The following CHRM3 variants were observed in gnomAD, a reference collection of about 807,000 sequenced individuals.
CHRM3 encodes the protein cholinergic receptor muscarinic 3.
Under a neutral mutation model 41.8 loss-of-function variants are expected in CHRM3, and 11 were observed. That is an observed-to-expected ratio of 0.26 (90% confidence interval 0.17 to 0.44). CHRM3 has a LOEUF of 0.44. CHRM3 is among the 20% of genes least tolerant of loss of function. The probability of loss-of-function intolerance (pLI) is 1.00; values close to 1 mark genes in which losing one functional copy is unlikely to be tolerated. For missense variants in CHRM3, 571 were observed against 745.4 expected (o/e 0.77, Z 2.72); for synonymous variants, 297 against 301.4 (o/e 0.99, Z 0.15).
intron 6 of CHRM3, chr1:239,899,996 G>A (rs1414270648): frequency 6.6e-6 from 1 of 152,194 alleles, no homozygotes; most frequent in East Asian, 1.9e-4. Context: ...AAGTGCGAAG[G>A]TCACTGGGCT....
chr1:239,776,814 G>A (rs1410322763), intron 5 of CHRM3, among the ~76,000 whole-genome samples: 1 of 152,146 alleles, frequency 6.6e-6, no homozygotes, highest in Non-Finnish European at 1.5e-5. Flanking sequence ...AAGCAAACAT[G>A]TCCTTCGTCA....
chr1:239,495,594 T>C (rs188144944), intron 2 of CHRM3, among the ~76,000 whole-genome samples: 86 of 152,232 alleles, frequency 5.6e-4, no homozygotes, highest in Admixed American at 2.9e-3. Context: ...TAGTTCACAT[T>C]TGAGAGCCAG....
chr1:239,645,241 C>G (rs1671643685), intron 4 of CHRM3, among the ~76,000 whole-genome samples: 1 of 152,166 alleles, frequency 6.6e-6, no homozygotes, highest in African/African-American at 2.4e-5. Context: ...GGGCCCCTGC[C>G]CAAGCCCTGC....
At chr1:239,676,369 T>C (rs1400489452) in intron 4 of CHRM3, among the ~76,000 whole-genome samples, 1 of 152,068 alleles carries the variant, frequency 6.6e-6, no homozygotes, top group East Asian at 1.9e-4. Context: ...CAGAGAAGTC[T>C]ATTATTGAAA....
At chr1:239,715,669 G>A (rs917553209) in intron 5 of CHRM3, among the ~76,000 whole-genome samples, 3 of 152,116 alleles carry the variant, frequency 2.0e-5, no homozygotes, top group African/African-American at 7.2e-5. Flanking sequence ...AGGATCCAGA[G>A]TAAAAGTGGG....
intron 5 of CHRM3, among the ~76,000 whole-genome samples, chr1:239,746,268 A>G (rs1665343201): frequency 1.3e-5 from 2 of 152,228 alleles, no homozygotes; most frequent in Admixed American, 1.3e-4. Flanking sequence ...TGGTGTTAAT[A>G]GATACTGAGT....
chr1:239,423,914 G>A (rs1662151625), intron 1 of CHRM3, among the ~76,000 whole-genome samples: 1 of 151,838 alleles, frequency 6.6e-6, no homozygotes, highest in Non-Finnish European at 1.5e-5. Context: ...AATTAGCCAG[G>A]CATGGTGGCG....
intron 5 of CHRM3, among the ~76,000 whole-genome samples, chr1:239,789,426 G>A (rs779802496): frequency 3.9e-5 from 6 of 152,272 alleles, no homozygotes; most frequent in East Asian, 1.9e-4. Context: ...CTATAAAGGC[G>A]TGCCTGAGAC....
chr1:239,725,423 A>G (rs777730417), intron 5 of CHRM3, among the ~76,000 whole-genome samples: 3 of 151,974 alleles, frequency 2.0e-5, no homozygotes, highest in Non-Finnish European at 2.9e-5. Context: ...ATTTTTATCT[A>G]CTAGAGTAAT....
chr1:239,697,330 A>G (rs1237410425), intron 5 of CHRM3, among the ~76,000 whole-genome samples: 1 of 152,158 alleles, frequency 6.6e-6, no homozygotes, highest in Non-Finnish European at 1.5e-5. Context: ...TCCTGCTGCT[A>G]TCCATGCCAC....
At chr1:239,778,971 A>G (rs1025010337) in intron 5 of CHRM3, among the ~76,000 whole-genome samples, 3 of 152,158 alleles carry the variant, frequency 2.0e-5, no homozygotes, top group Non-Finnish European at 2.9e-5. Flanking sequence ...TTCAAAAAAG[A>G]TGGTTTAACA....
At chr1:239,769,027 A>G (rs1384034023) in intron 5 of CHRM3, among the ~76,000 whole-genome samples, 1 of 151,968 alleles carries the variant, frequency 6.6e-6, no homozygotes, top group East Asian at 1.9e-4. Flanking sequence ...GGCCTCCCCA[A>G]ATGCTGGGTT....
At chr1:239,443,459 C>T (rs1480485308) in intron 1 of CHRM3, among the ~76,000 whole-genome samples, 1 of 152,094 alleles carries the variant, frequency 6.6e-6, no homozygotes, top group Non-Finnish European at 1.5e-5. Flanking sequence ...AAAAAAACTT[C>T]CAGTAACCTC....
intron 1 of CHRM3, among the ~76,000 whole-genome samples, chr1:239,428,764 A>G (rs1468456342): frequency 1.3e-5 from 2 of 152,164 alleles, no homozygotes; most frequent in South Asian, 2.1e-4. Context: ...GCATAACTCT[A>G]TTTATCACAT....
intron 6 of CHRM3, among the ~76,000 whole-genome samples, chr1:239,884,994 T>C (rs569043651): frequency 1.1e-4 from 16 of 152,284 alleles, no homozygotes; most frequent in African/African-American, 3.6e-4. Context: ...GCAAAGACCT[T>C]ACAACAATCT....
chr1:239,503,505 A>G (rs1668376934), intron 2 of CHRM3, among the ~76,000 whole-genome samples: 1 of 152,136 alleles, frequency 6.6e-6, no homozygotes. Flanking sequence ...TACAAGTTCA[A>G]TGCAATCCCC....
At chr1:239,406,991 A>G (rs1660640786) in intron 1 of CHRM3, among the ~76,000 whole-genome samples, 1 of 152,120 alleles carries the variant, frequency 6.6e-6, no homozygotes, top group Non-Finnish European at 1.5e-5. Context: ...CTTGAGAGAT[A>G]CTTTAAAGGA....
intron 3 of CHRM3, among the ~76,000 whole-genome samples, chr1:239,597,854 C>CAT (rs935735397): frequency 2.1e-5 from 2 of 96,934 alleles, no homozygotes; most frequent in Non-Finnish European, 4.3e-5. Flanking sequence ...AAAAAACTGT[C>CAT]AGAGTTTTTT....
chr1:239,603,391 A>G (rs1000561021), intron 3 of CHRM3, among the ~76,000 whole-genome samples: 1 of 152,194 alleles, frequency 6.6e-6, no homozygotes, highest in Non-Finnish European at 1.5e-5. Flanking sequence ...TGCTATCACC[A>G]ATACCATTCA....
Sources: allele counts gnomAD v4.1 joint callset (sites outside exome capture counted in the v4.1 genomes callset), GRCh38; gene constraint gnomAD v4.1.1; transcripts MANE v1.5; gene names NCBI Gene and HGNC (gene_info 2026-07-23, HGNC 2026-07-21).